DYM: variants seen among roughly 807,000 people sequenced by gnomAD.
DYM encodes the protein dymeclin, also known as dyggve-Melchior-Clausen syndrome protein.
A neutral mutation model predicts 93.1 loss-of-function variants in DYM; 78 were observed. That is an observed-to-expected ratio of 0.84 (90% CI 0.70 to 1.01). The LOEUF is 1.01. Among genes scored for constraint, DYM ranks in the 50% least tolerant of loss-of-function variants. The probability of loss-of-function intolerance (pLI) is 0.00; values close to 1 mark genes in which losing one functional copy is unlikely to be tolerated. For missense variants in DYM, 789 were observed against 845.0 expected (o/e 0.93, Z 0.82); for synonymous variants, 321 against 319.7 (o/e 1.00, Z -0.04).
chr18:49,120,840 G>T (rs1206640206), intron 15 of DYM, among the ~76,000 whole-genome samples: 1 of 151,818 alleles, frequency 6.6e-6, no homozygotes, highest in Non-Finnish European at 1.5e-5. Flanking sequence ...TTGACTCAGG[G>T]TCTCACTCTG....
At chr18:49,340,472 A>G (rs1190814288) in intron 6 of DYM, among the ~76,000 whole-genome samples, 1 of 152,238 alleles carries the variant, frequency 6.6e-6, no homozygotes, top group Non-Finnish European at 1.5e-5. Flanking sequence ...CAGAATGGCT[A>G]TCTATGGGAA....
chr18:49,307,248 G>A (rs116005412), intron 8 of DYM, among the ~76,000 whole-genome samples: 173 of 152,110 alleles, frequency 1.1e-3, no homozygotes, highest in African/African-American at 3.9e-3. Flanking sequence ...AAAAGTAAAG[G>A]CAGCAGAGCT....
intron 11 of DYM, among the ~76,000 whole-genome samples, chr18:49,268,874 T>G (rs982361681): frequency 1.3e-5 from 2 of 152,138 alleles, no homozygotes; most frequent in African/African-American, 2.4e-5. Context: ...CTTCTCATAG[T>G]ATTTTACTGA....
chr18:49,151,478 T>C (rs2085809366), intron 15 of DYM, among the ~76,000 whole-genome samples: 1 of 152,246 alleles, frequency 6.6e-6, no homozygotes, highest in African/African-American at 2.4e-5. Flanking sequence ...AAAACATTTG[T>C]AGCTTTGACT....
At chr18:49,241,172 G>A (rs1335846799) in intron 13 of DYM, among the ~76,000 whole-genome samples, 3 of 152,182 alleles carry the variant, frequency 2.0e-5, no homozygotes, top group Non-Finnish European at 4.4e-5. Context: ...GCACAGAAGT[G>A]ATCCAAGACT....
chr18:49,127,165 T>C (rs1370146317), intron 15 of DYM, among the ~76,000 whole-genome samples: 3 of 152,200 alleles, frequency 2.0e-5, no homozygotes, highest in African/African-American at 7.2e-5. Context: ...GGAACAGATC[T>C]CATATCAGAC....
chr18:49,428,532 A>T (rs1163160670), intron 2 of DYM, among the ~76,000 whole-genome samples: 1 of 152,142 alleles, frequency 6.6e-6, no homozygotes, highest in Non-Finnish European at 1.5e-5. Context: ...AAAAAATACA[A>T]AAATTAGCCA....
rs34297501 is a variant in DYM, at chr18:49,170,780, CAAAAAAAAAAA to C, written c.1626-7004_1626-6994del. Reference sequence around the variant, plus strand: ...TGGGCAACAAAGTGAGACTCCGTCTCAAAAAAAAAAAAAAAAAAAAAAAAAAAAGCAACTGT... The same window carrying C: ...TGGGCAACAAAGTGAGACTCCGTCTCAAAAAAAAAAAAAAAAAGCAACTGT... On this transcript the variant is annotated intron_variant, in intron 14 of 17. Transcript: ENST00000675505. 9.8e-3 allele frequency among the ~76,000 whole-genome samples: 305 copies of C among 31,240 alleles called. 4 individuals are homozygous for C. Among genetic ancestry groups the C allele is most frequent in the East Asian group, 0.038 (26 of 676 alleles). 20.5% of individuals were successfully genotyped at this position (31,240 alleles called of 152,430 possible).
intron 13 of DYM, among the ~76,000 whole-genome samples, chr18:49,220,073 A>T (rs1463414201): frequency 6.6e-6 from 1 of 152,202 alleles, no homozygotes; most frequent in Non-Finnish European, 1.5e-5. Flanking sequence ...ATACAAAATC[A>T]ATGTACAAAA....
At chr18:49,242,893 G>A (rs1365502839) in intron 13 of DYM, among the ~76,000 whole-genome samples, 2 of 152,048 alleles carry the variant, frequency 1.3e-5, no homozygotes, top group African/African-American at 4.8e-5. Flanking sequence ...GTAGAGACGG[G>A]GTTTCACCGT....
intron 13 of DYM, among the ~76,000 whole-genome samples, chr18:49,232,390 T>A (rs1430882308): frequency 1.3e-5 from 2 of 151,266 alleles, no homozygotes; most frequent in Non-Finnish European, 2.9e-5. Context: ...CACTGCAAGA[T>A]CCACGTGGGT....
intron 17 of DYM, among the ~76,000 whole-genome samples, chr18:49,060,630 G>GGGGAGAGA (rs1489239190): frequency 2.4e-5 from 3 of 123,504 alleles, no homozygotes; most frequent in African/African-American, 6.1e-5. Context: ...AGAAGGGAGG[G>GGGGAGAGA]GGGAGAGAGG....
At chr18:49,251,092 C>T (rs1164891038) in intron 13 of DYM, among the ~76,000 whole-genome samples, 3 of 152,216 alleles carry the variant, frequency 2.0e-5, no homozygotes, top group Admixed American at 6.5e-5. Context: ...AAAATCTCCA[C>T]GTATTGTCAA....
intron 8 of DYM, among the ~76,000 whole-genome samples, chr18:49,291,561 T>C (rs2060117084): frequency 6.6e-6 from 1 of 152,120 alleles, no homozygotes; most frequent in South Asian, 2.1e-4. Context: ...AAACTGCAAA[T>C]CTGGTATAAA....
intron 5 of DYM, among the ~76,000 whole-genome samples, chr18:49,376,515 C>T (rs1314117902): frequency 6.6e-6 from 1 of 152,186 alleles, no homozygotes; most frequent in African/African-American, 2.4e-5. Context: ...GCAGCAAATT[C>T]CATTTAGTCT....
At chr18:49,075,013 A>G (rs1409619007) in intron 17 of DYM, among the ~76,000 whole-genome samples, 1 of 152,164 alleles carries the variant, frequency 6.6e-6, no homozygotes, top group Non-Finnish European at 1.5e-5. Context: ...CTGATAAGCA[A>G]TGGGGGAGAC....
intron 11 of DYM, among the ~76,000 whole-genome samples, chr18:49,262,577 A>G (rs1284365725): frequency 6.6e-6 from 1 of 152,214 alleles, no homozygotes; most frequent in African/African-American, 2.4e-5. Context: ...ACATATAAGA[A>G]GAATATTCAC....
At chr18:49,120,087 A>G (rs1193492273) in intron 15 of DYM, among the ~76,000 whole-genome samples, 2 of 150,996 alleles carry the variant, frequency 1.3e-5, no homozygotes, top group African/African-American at 2.4e-5. Context: ...TCAAAAAAAA[A>G]AAAAAAAAGA....
chr18:49,223,584 G>C (rs1205847317), intron 13 of DYM, among the ~76,000 whole-genome samples: 1 of 152,086 alleles, frequency 6.6e-6, no homozygotes, highest in African/African-American at 2.4e-5. Flanking sequence ...AATATTAAGG[G>C]AAGTGTTGTT....
Sources: allele counts gnomAD v4.1 joint callset (sites outside exome capture counted in the v4.1 genomes callset), GRCh38; gene constraint gnomAD v4.1.1; transcripts MANE v1.5; gene names NCBI Gene and HGNC (gene_info 2026-07-23, HGNC 2026-07-21).